The following DUSP16 variants were observed in gnomAD, a reference collection of about 807,000 sequenced individuals.
DUSP16 encodes dual specificity protein phosphatase 16.
A neutral mutation model predicts 58.3 loss-of-function variants in DUSP16; 21 were observed. The observed-to-expected ratio is 0.36, with a 90% CI of 0.26 to 0.52. The LOEUF is 0.52. DUSP16 is among the 20% of genes least tolerant of loss of function. The probability of loss-of-function intolerance (pLI) is 0.94; values close to 1 mark genes in which losing one functional copy is unlikely to be tolerated. For missense variants in DUSP16, 726 were observed against 819.0 expected (o/e 0.89, Z 1.39); for synonymous variants, 320 against 323.8 (o/e 0.99, Z 0.12).
intron 4 of DUSP16, among the ~76,000 whole-genome samples, chr12:12,489,804 A>G (rs1943737591): frequency 6.6e-6 from 1 of 152,246 alleles, no homozygotes; most frequent in Non-Finnish European, 1.5e-5. Context: ...ATGACAACCT[A>G]TATTAAGTCA....
chr12:12,529,285 T>C (rs1944348890), intron 1 of DUSP16, among the ~76,000 whole-genome samples: 1 of 152,052 alleles, frequency 6.6e-6, no homozygotes, highest in Non-Finnish European at 1.5e-5. Flanking sequence ...CTAATTTTTA[T>C]TTCTTGTAGA....
intron 3 of DUSP16, among the ~76,000 whole-genome samples, chr12:12,510,883 G>T (rs553784114): frequency 6.6e-6 from 1 of 152,130 alleles, no homozygotes; most frequent in East Asian, 1.9e-4. Flanking sequence ...CAGGGTGCAT[G>T]ATGTCTTAGG....
chr12:12,548,191 A>G (rs1439967952), intron 1 of DUSP16, among the ~76,000 whole-genome samples: 1 of 148,878 alleles, frequency 6.7e-6, no homozygotes, highest in Non-Finnish European at 1.5e-5. Flanking sequence ...TCCAATTTTT[A>G]AATGGGCAAA....
At chr12:12,557,723 A>G (rs1348868487) in intron 1 of DUSP16, among the ~76,000 whole-genome samples, 15 of 152,204 alleles carry the variant, frequency 9.9e-5, no homozygotes, top group Admixed American at 9.8e-4. Flanking sequence ...ACTATTTAAC[A>G]TCACTTTTTT....
At chr12:12,512,456 T>C (rs1944093139) in intron 3 of DUSP16, among the ~76,000 whole-genome samples, 1 of 152,190 alleles carries the variant, frequency 6.6e-6, no homozygotes, top group Admixed American at 6.5e-5. Context: ...ACTGAAAGTC[T>C]GTACTCTTTA....
intron 1 of DUSP16, among the ~76,000 whole-genome samples, chr12:12,533,182 G>T (rs570297046): frequency 6.6e-6 from 1 of 152,222 alleles, no homozygotes; most frequent in East Asian, 1.9e-4. Flanking sequence ...AGTTTATTTG[G>T]TATACAAAGG....
chr12:12,496,007 TAA>T (rs1943822660), intron 4 of DUSP16, among the ~76,000 whole-genome samples: 1 of 152,112 alleles, frequency 6.6e-6, no homozygotes, highest in Non-Finnish European at 1.5e-5. Flanking sequence ...GGCGTGTAGG[TAA>T]AGAGACTGAG....
chr12:12,504,638 T>G (rs1463225510), intron 3 of DUSP16, among the ~76,000 whole-genome samples: 1 of 149,874 alleles, frequency 6.7e-6, no homozygotes, highest in African/African-American at 2.5e-5. Flanking sequence ...GGAATGGTTG[T>G]CATTTAAATT....
chr12:12,558,369 A>G (rs989668564), intron 1 of DUSP16, among the ~76,000 whole-genome samples: 2 of 149,182 alleles, frequency 1.3e-5, no homozygotes, highest in African/African-American at 5.0e-5. Context: ...ATCAATCACT[A>G]TCCCTCAAGA....
chr12:12,560,061 C>T (rs1592219736), intron 1 of DUSP16, among the ~76,000 whole-genome samples: 1 of 152,110 alleles, frequency 6.6e-6, no homozygotes, highest in East Asian at 1.9e-4. Flanking sequence ...CTTACAATCA[C>T]CAAACTGAAC....
At chr12:12,530,301 G>T (rs1944365990) in intron 1 of DUSP16, among the ~76,000 whole-genome samples, 1 of 152,126 alleles carries the variant, frequency 6.6e-6, no homozygotes, top group African/African-American at 2.4e-5. Flanking sequence ...TTGGCCATTT[G>T]CATGTTTTCT....
rs190080168 is a variant in DUSP16, at chr12:12,526,137, G to A, written c.-365-4674C>T. Among the ~76,000 whole-genome samples, 690 of 152,250 alleles carry A rather than the reference G, an allele frequency of 4.5e-3. 3 individuals carry two copies. Among genetic ancestry groups the A allele is most frequent in the Non-Finnish European group, 8.0e-3 (541 of 68,014 alleles). The stretch of plus-strand genomic sequence containing the variant: ...AAAGATAAACTGAGTCAACATCTTA[G>A]TATAACAAAATGACTACAGATCATG... On this transcript the variant is annotated intron_variant, in intron 1 of 6. Coordinates refer to ENST00000298573, the MANE Select transcript of DUSP16 (RefSeq NM_030640.3).
In DUSP16 at chr12:12,477,510, T is replaced by C. The variant is rs752892100; in HGVS notation, c.1321A>G (p.Lys441Glu). The C allele has an allele frequency of 1.3e-6, 2 of 1,599,448 alleles. No homozygotes were observed. Among genetic ancestry groups the C allele is most frequent in the Non-Finnish European group, 1.7e-6 (2 of 1,171,144 alleles). The change falls in exon 7 of 7, where the codon AAG (lysine) becomes GAG (glutamate). Residue 441 changes from lysine to glutamate, a missense_variant. Coordinates refer to ENST00000298573, the MANE Select transcript of DUSP16 (RefSeq NM_030640.3). This position sits in a 1 kb window ranked among gnomAD's most constrained non-coding sequence, Gnocchi z 4.1. ...TGAACAGGGGAGAACTGGCATAGCT[T>C]GTTGGTCCCATCCAGAGTAGTGGAA... ...KPSTTLDGTN[K>E]LCQFSPVQEL...
chr12:12,547,663 A>C (rs1281520251), intron 1 of DUSP16, among the ~76,000 whole-genome samples: 1 of 152,006 alleles, frequency 6.6e-6, no homozygotes, highest in Non-Finnish European at 1.5e-5. Flanking sequence ...ACAAATATTT[A>C]AGCCCAGGAT....
Position 12,531,304 on chromosome 12 carries a change from A to C in DUSP16, c.-365-9841T>G, listed in dbSNP as rs534712604. On this transcript the variant is annotated intron_variant, in intron 1 of 6. Transcript: ENST00000298573. The stretch of plus-strand genomic sequence containing the variant: ...CTCAAGCTCACAATAGTAATATTCC[A>C]TAATTTAATCTATTTTAAATCTCTT... Among the ~76,000 whole-genome samples, 49 of 152,354 alleles carry C rather than the reference A, an allele frequency of 3.2e-4. No individual in the cohort carries two copies. In the Middle Eastern group the frequency reaches 0.017, roughly 53 times the overall value.
At position 12,489,292 on chromosome 12, in the gene DUSP16, G is replaced by A. The variant is rs550804915; in HGVS notation, c.532-2105C>T. Among the ~76,000 whole-genome samples the A allele has an allele frequency of 2.7e-4, 41 of 152,242 alleles. 1 individual carries two copies. The highest frequency in any genetic ancestry group is 1.3e-3 in the Admixed American group (20 of 15,290). On this transcript the variant is annotated intron_variant, in intron 4 of 6. Transcript: ENST00000298573. ...ACAATCAGGCTACGTAGATCTTAAT[G>A]GTATTTACTACAACCTTTAAACTTT...
intron 1 of DUSP16, among the ~76,000 whole-genome samples, chr12:12,535,189 A>T (rs1592201334): frequency 6.6e-6 from 1 of 152,116 alleles, no homozygotes; most frequent in Non-Finnish European, 1.5e-5. Context: ...ATCCTCCTCC[A>T]CCAGCCTCGG....
intron 3 of DUSP16, among the ~76,000 whole-genome samples, chr12:12,511,096 A>G (rs1320066975): frequency 6.6e-6 from 1 of 152,258 alleles, no homozygotes; most frequent in Non-Finnish European, 1.5e-5. Context: ...AATCTGAATT[A>G]GTTAAAAACA....
rs894836334 is a variant in DUSP16 at position 12,473,529 on chromosome 12, T to G, written c.*3304A>C. Among the ~76,000 whole-genome samples, 14 of 152,174 alleles carry G rather than the reference T, an allele frequency of 9.2e-5. No individual in the cohort carries two copies. Among genetic ancestry groups the G allele is most frequent in the Non-Finnish European group, 1.6e-4 (11 of 68,036 alleles). On this transcript the variant is annotated 3_prime_UTR_variant, in exon 7 of 7. Transcript: ENST00000298573. ...CCTCTATCTCACTTCCACCTCTTTTTCTGCAGGGTCCTGGCCAAGATAGCT... is the reference window on the plus strand; with the variant it reads ...CCTCTATCTCACTTCCACCTCTTTTGCTGCAGGGTCCTGGCCAAGATAGCT...
Sources: allele counts gnomAD v4.1 joint callset (sites outside exome capture counted in the v4.1 genomes callset), GRCh38; gene constraint gnomAD v4.1.1; non-coding constraint Gnocchi (gnomAD v3.1); transcripts MANE v1.5; gene names NCBI Gene and HGNC (gene_info 2026-07-23, HGNC 2026-07-21).